RUSC2: variants seen among roughly 807,000 people sequenced by gnomAD.
RUSC2 encodes RUN and SH3 domain containing 2, also known as AP-4 complex accessory subunit RUSC2.
Under a neutral mutation model 122.2 loss-of-function variants are expected in RUSC2, and 34 were observed. That is an observed-to-expected ratio of 0.28 (90% CI 0.21 to 0.37). The LOEUF (loss-of-function observed/expected upper bound fraction) is 0.37, where lower values mean the gene tolerates loss of function less well. Among genes scored for constraint, RUSC2 ranks in the 10% least tolerant of loss-of-function variants. The probability of loss-of-function intolerance (pLI) is 1.00; values close to 1 mark genes in which losing one functional copy is unlikely to be tolerated. For synonymous variants in RUSC2, 784 were observed against 790.0 expected, an observed-to-expected ratio of 0.99 and a Z score of 0.13; for missense variants, 1,747 against 1,952.4, an observed-to-expected ratio of 0.89 and a Z score of 1.98.
At position 35,560,998 on chromosome 9, in the gene RUSC2, T is replaced by TC. The variant is rs757935068; in HGVS notation, c.4252dup (p.Gln1418ProfsTer34). 1.2e-6 allele frequency: 2 copies of TC among 1,614,168 alleles called. No homozygotes were observed. Among genetic ancestry groups the TC allele is most frequent in the Admixed American group, 3.3e-5 (2 of 60,024 alleles). On this transcript the variant is annotated frameshift_variant, in exon 11 of 12. Coordinates refer to ENST00000361226, the MANE Select transcript of RUSC2 (RefSeq NM_014806.5). LOFTEE classifies it high-confidence loss of function. ...TGGCTGAGCCTGGACAAGTCCATGT[T>TC]CCAACTAGTGGCGCAGACAGTGGGT...
chr9:35,546,098 C>T lies in RUSC2; in HGVS notation c.-92-332C>T, dbSNP rs1821739908. Among the ~76,000 whole-genome samples, 1 of 151,950 alleles carries T rather than the reference C, an allele frequency of 6.6e-6. No homozygotes were observed. The highest frequency in any genetic ancestry group is 1.5e-5 in the Non-Finnish European group (1 of 68,020). On this transcript the variant is annotated intron_variant, in intron 1 of 11. Coordinates refer to ENST00000361226, the MANE Select transcript of RUSC2 (RefSeq NM_014806.5). This position sits in a 1 kb window ranked among gnomAD's most constrained non-coding sequence, Gnocchi z 4.3. ...TAGTTTTTTTGTGCTAAGGACTGGT[C>T]ATTGTTTACTGCCAAGGAGAGGGTC...
At chr9:35,531,087 G>A (rs1054672866) in intron 1 of RUSC2, among the ~76,000 whole-genome samples, 4 of 151,838 alleles carry the variant, frequency 2.6e-5, no homozygotes, top group African/African-American at 7.3e-5. Flanking sequence ...GTGAAACCCC[G>A]TCTCCACTAA....
At chr9:35,538,116 C>T (rs901973443) in intron 1 of RUSC2, among the ~76,000 whole-genome samples, 1 of 152,144 alleles carries the variant, frequency 6.6e-6, no homozygotes, top group Non-Finnish European at 1.5e-5. Context: ...CTCAGCCTGG[C>T]TAGAGGGATT....
chr9:35,527,995 C>A (rs1821353755), intron 1 of RUSC2, among the ~76,000 whole-genome samples: 1 of 152,222 alleles, frequency 6.6e-6, no homozygotes, highest in Non-Finnish European at 1.5e-5. Context: ...CTCCCCCTTG[C>A]TTACTGCATA....
intron 1 of RUSC2, among the ~76,000 whole-genome samples, chr9:35,522,294 T>C (rs1047167226): frequency 1.1e-4 from 16 of 152,210 alleles, no homozygotes; most frequent in Non-Finnish European, 1.9e-4. Context: ...ATTATTTCAC[T>C]CCCCATATCT....
intron 9 of RUSC2, among the ~76,000 whole-genome samples, chr9:35,559,677 G>GT (rs1167277412): frequency 1.3e-5 from 2 of 152,354 alleles, no homozygotes; most frequent in East Asian, 3.9e-4. Flanking sequence ...AGAGGTTGCA[G>GT]TGAGCCGAGA....
At chr9:35,509,763 T>TC (rs1820980305) in intron 1 of RUSC2, among the ~76,000 whole-genome samples, 1 of 152,186 alleles carries the variant, frequency 6.6e-6, no homozygotes, top group Non-Finnish European at 1.5e-5. Flanking sequence ...ACATTTATTA[T>TC]AGTTGTCATT....
At chr9:35,554,223 T>C (rs547353725) in intron 2 of RUSC2, among the ~76,000 whole-genome samples, 2 of 152,278 alleles carry the variant, frequency 1.3e-5, no homozygotes, top group East Asian at 3.9e-4. Context: ...TGGAGTTTTG[T>C]GTTTAGTTCT....
chr9:35,524,327 C>A (rs1821279638), intron 1 of RUSC2, among the ~76,000 whole-genome samples: 1 of 152,142 alleles, frequency 6.6e-6, no homozygotes, highest in Non-Finnish European at 1.5e-5. Context: ...ACAAACCTGT[C>A]ATTTTTCAAC....
chr9:35,553,600 T>C (rs1821945667), intron 2 of RUSC2, among the ~76,000 whole-genome samples: 1 of 152,094 alleles, frequency 6.6e-6, no homozygotes, highest in African/African-American at 2.4e-5. Flanking sequence ...GGGGTGATAT[T>C]TGAGCTGATG....
At chr9:35,508,734 C>A (rs377732743) in intron 1 of RUSC2, among the ~76,000 whole-genome samples, 28 of 152,328 alleles carry the variant, frequency 1.8e-4, no homozygotes, top group African/African-American at 6.5e-4. Flanking sequence ...GTTTGCTGCT[C>A]CTAAAATCAA....
At chr9:35,530,614 G>A (rs1303214258) in intron 1 of RUSC2, among the ~76,000 whole-genome samples, 2 of 151,934 alleles carry the variant, frequency 1.3e-5, no homozygotes, top group African/African-American at 4.8e-5. Context: ...AGGTAGAAAG[G>A]AATTTTGGGG....
intron 1 of RUSC2, among the ~76,000 whole-genome samples, chr9:35,527,735 G>A (rs1207952708): frequency 1.3e-5 from 2 of 152,094 alleles, no homozygotes; most frequent in East Asian, 3.9e-4. Context: ...AATTTTTCTT[G>A]ATCTTTAATT....
At chr9:35,519,391 C>T (rs964929208) in intron 1 of RUSC2, among the ~76,000 whole-genome samples, 11 of 152,226 alleles carry the variant, frequency 7.2e-5, no homozygotes, top group Admixed American at 3.3e-4. Flanking sequence ...ATCACACTCT[C>T]TCCCCTTCAC....
intron 1 of RUSC2, among the ~76,000 whole-genome samples, chr9:35,524,839 C>T (rs181768355): frequency 0.024 from 3,705 of 152,046 alleles, 133 homozygotes; most frequent in African/African-American, 0.081. Flanking sequence ...GGCGTGGTGG[C>T]GGGCACCTGT....
intron 1 of RUSC2, among the ~76,000 whole-genome samples, chr9:35,525,732 G>A (rs1250516242): frequency 6.6e-6 from 1 of 152,116 alleles, no homozygotes; most frequent in Non-Finnish European, 1.5e-5. Context: ...CCAGGAGGTG[G>A]AGGTTGCAGT....
intron 1 of RUSC2, among the ~76,000 whole-genome samples, chr9:35,530,911 T>C (rs1821406750): frequency 6.6e-6 from 1 of 151,984 alleles, no homozygotes; most frequent in African/African-American, 2.4e-5. Context: ...AGTGCTGGGA[T>C]TACAGGTGTG....
chr9:35,534,757 A>G (rs1397132573), intron 1 of RUSC2, among the ~76,000 whole-genome samples: 6 of 152,238 alleles, frequency 3.9e-5, no homozygotes, highest in Admixed American at 3.3e-4. Context: ...CTCTGGGATT[A>G]CAGGTGTGAG....
chr9:35,555,389 C>T lies in RUSC2; in HGVS notation c.2344C>T (p.Pro782Ser). 6 of 1,614,234 alleles carry T rather than the reference C, an allele frequency of 3.7e-6. No individual in the cohort carries two copies. The highest frequency in any genetic ancestry group is 4.2e-6 in the Non-Finnish European group (5 of 1,180,026). ...SRPSPLGSYS[P>S]IRSVGPFGPS... is the part of the protein sequence containing the mutation. ...GCCATCGCCCCTGGGCAGCTACTCC[C>T]CCATCCGGAGTGTTGGCCCCTTTGG... Residue 782 changes from proline to serine, a missense_variant, in exon 3 of 12, where the codon CCC becomes TCC. Transcript: ENST00000361226. The surrounding 1 kb of genome is among the most constrained non-coding windows in gnomAD (Gnocchi z 4.6).
Sources: allele counts gnomAD v4.1 joint callset (sites outside exome capture counted in the v4.1 genomes callset), GRCh38; gene constraint gnomAD v4.1.1; non-coding constraint Gnocchi (gnomAD v3.1); transcripts MANE v1.5; gene names NCBI Gene and HGNC (gene_info 2026-07-23, HGNC 2026-07-21).